The following SCFD2 variants were observed in gnomAD, a reference collection of about 807,000 sequenced individuals.
The protein encoded by SCFD2 is sec1 family domain containing 2.
SCFD2 carries 54 observed loss-of-function variants against 58.9 expected under a neutral mutation model. The ratio of observed to expected loss-of-function variants is 0.92; its 90% CI spans 0.74 to 1.15. SCFD2 has a LOEUF of 1.15. Among genes scored for constraint, SCFD2 ranks in the 50% most tolerant of loss-of-function variants. SCFD2 has a pLI of 0.00. For missense variants in SCFD2, 805 were observed against 836.6 expected, an observed-to-expected ratio of 0.96 and a Z score of 0.47; for synonymous variants, 321 against 335.9, an observed-to-expected ratio of 0.96 and a Z score of 0.49.
intron 5 of SCFD2, among the ~76,000 whole-genome samples, chr4:53,043,240 CT>C (rs1178451495): frequency 2.0e-5 from 3 of 152,108 alleles, no homozygotes; most frequent in Non-Finnish European, 4.4e-5. Flanking sequence ...TGTGGGGAAT[CT>C]GATGAAGCCC....
At chr4:52,955,695 C>T (rs972190285) in intron 5 of SCFD2, among the ~76,000 whole-genome samples, 2 of 152,150 alleles carry the variant, frequency 1.3e-5, no homozygotes, top group African/African-American at 2.4e-5. Flanking sequence ...CCTGATAGGA[C>T]ATTCATAAAA....
At chr4:53,303,254 A>G (rs1732380632) in intron 3 of SCFD2, among the ~76,000 whole-genome samples, 1 of 152,240 alleles carries the variant, frequency 6.6e-6, no homozygotes, top group Non-Finnish European at 1.5e-5. Context: ...TACATTTACA[A>G]GAAAAAAACA....
At chr4:52,904,417 G>C (rs1449338764) in intron 7 of SCFD2, among the ~76,000 whole-genome samples, 1 of 152,228 alleles carries the variant, frequency 6.6e-6, no homozygotes, top group Non-Finnish European at 1.5e-5. Flanking sequence ...CAAGCGACAA[G>C]AAAGAAATGA....
In SCFD2 at chr4:52,885,842, A is replaced by C. The variant is rs775978014; in HGVS notation, c.1867T>G (p.Tyr623Asp). 1 of 1,614,028 alleles carries C rather than the reference A, an allele frequency of 6.2e-7. No homozygotes were observed. The highest frequency in any genetic ancestry group is 1.3e-5 in the African/African-American group (1 of 74,940). The change falls in exon 8 of 9, where the codon TAC becomes GAC. Residue 623 changes from tyrosine to aspartate, a missense_variant. Physicochemically the swap from Tyr to Asp is radical, Grantham distance 160 (BLOSUM62 -3). Coordinates refer to ENST00000401642, the MANE Select transcript of SCFD2 (RefSeq NM_152540.4). Reference sequence around the variant, plus strand: ...ACCACAAAGAGGATCAGGAGGGGGTAGTCACTAGGATGAGGCCGGCTCACC... The same window carrying C: ...ACCACAAAGAGGATCAGGAGGGGGTCGTCACTAGGATGAGGCCGGCTCACC... ...MKVSRPHPSD[Y>D]PLLILFVVGG...
intron 5 of SCFD2, among the ~76,000 whole-genome samples, chr4:53,123,545 C>G (rs1393637353): frequency 6.6e-6 from 1 of 150,768 alleles, no homozygotes; most frequent in South Asian, 2.1e-4. Context: ...GGGGGGGGCA[C>G]TGACAAACAT....
chr4:52,893,234 T>A (rs551021127), intron 7 of SCFD2, among the ~76,000 whole-genome samples: 1 of 151,026 alleles, frequency 6.6e-6, no homozygotes, highest in Non-Finnish European at 1.5e-5. Flanking sequence ...TTTCCCTTCT[T>A]TCTCTCTCTC....
At chr4:53,355,757 A>T (rs1734381168) in intron 1 of SCFD2, among the ~76,000 whole-genome samples, 1 of 152,182 alleles carries the variant, frequency 6.6e-6, no homozygotes. Flanking sequence ...CACTTTAGCC[A>T]AACTGGGCTC....
intron 3 of SCFD2, among the ~76,000 whole-genome samples, chr4:53,280,939 G>T (rs1302972728): frequency 6.6e-6 from 1 of 152,150 alleles, no homozygotes; most frequent in East Asian, 1.9e-4. Flanking sequence ...ATCAAAGACA[G>T]CAGCTAAACA....
chr4:53,332,432 G>A (rs1267929943), intron 2 of SCFD2, among the ~76,000 whole-genome samples: 1 of 151,728 alleles, frequency 6.6e-6, no homozygotes, highest in African/African-American at 2.4e-5. Context: ...GGGATGCAAG[G>A]CTGGTTCAAT....
intron 4 of SCFD2, among the ~76,000 whole-genome samples, chr4:53,215,260 C>T (rs140701820): frequency 0.066 from 10,109 of 152,090 alleles, 388 homozygotes; most frequent in Middle Eastern, 0.12. Flanking sequence ...GCCATTTTCA[C>T]GATATTGATT....
At chr4:52,884,782 C>G (rs766050904) in intron 8 of SCFD2, among the ~76,000 whole-genome samples, 1 of 152,172 alleles carries the variant, frequency 6.6e-6, no homozygotes, top group African/African-American at 2.4e-5. Context: ...TCTCCTTGGG[C>G]TCCTGCTGCA....
intron 5 of SCFD2, among the ~76,000 whole-genome samples, chr4:52,973,658 C>A (rs1488535051): frequency 6.6e-6 from 1 of 151,866 alleles, no homozygotes; most frequent in East Asian, 1.9e-4. Flanking sequence ...AATCCTCCCT[C>A]ACTCATTTTA....
In SCFD2 at chr4:52,984,201, G is replaced by T. The variant is rs556423166; in HGVS notation, c.1562-63331C>A. ...ACCCCAGTGGGTGAGTTACTCCAAG[G>T]GCACCTTTTGTAAAACTCTGGAGGC... On this transcript the variant is annotated intron_variant, in intron 5 of 8. Coordinates refer to ENST00000401642, the MANE Select transcript of SCFD2 (RefSeq NM_152540.4). Among the ~76,000 whole-genome samples, 7 of 152,246 alleles carry T rather than the reference G, an allele frequency of 4.6e-5. No individual in the cohort carries two copies. The South Asian group carries it at 1.4e-3, about 32-fold the overall frequency.
intron 4 of SCFD2, among the ~76,000 whole-genome samples, chr4:53,216,105 C>G (rs1728821140): frequency 6.6e-6 from 1 of 152,076 alleles, no homozygotes. Context: ...ATCTAAAATT[C>G]TCTTTTTTTG....
chr4:52,956,058 G>C, intron 5 of SCFD2: 3 of 456,664 alleles, frequency 6.6e-6, no homozygotes, highest in South Asian at 4.6e-5. Flanking sequence ...AGCTATGGGG[G>C]TCCCACTCTC....
intron 5 of SCFD2, among the ~76,000 whole-genome samples, chr4:53,141,725 G>A (rs1008252759): frequency 2.0e-5 from 3 of 151,886 alleles, no homozygotes; most frequent in African/African-American, 7.3e-5. Context: ...CTGGATGTTG[G>A]TAACATGGCT....
At chr4:52,987,751 T>C (rs1160680493) in intron 5 of SCFD2, among the ~76,000 whole-genome samples, 1 of 152,220 alleles carries the variant, frequency 6.6e-6, no homozygotes, top group East Asian at 1.9e-4. Context: ...TTTTGTGCTT[T>C]TTACATTGTT....
intron 7 of SCFD2, 122 bp from the exon 8 acceptor site, chr4:52,885,988 G>A: frequency 7.9e-7 from 1 of 1,263,466 alleles, no homozygotes; most frequent in Non-Finnish European, 1.1e-6. Flanking sequence ...GTGGCAGGAG[G>A]CAGACAAATC....
intron 8 of SCFD2, among the ~76,000 whole-genome samples, chr4:52,882,552 T>A (rs1021852448): frequency 2.0e-5 from 3 of 152,120 alleles, no homozygotes; most frequent in African/African-American, 7.2e-5. Flanking sequence ...TCAATCTGGG[T>A]GGGCATAATC....
Sources: allele counts gnomAD v4.1 joint callset (sites outside exome capture counted in the v4.1 genomes callset), GRCh38; gene constraint gnomAD v4.1.1; transcripts MANE v1.5; gene names NCBI Gene and HGNC (gene_info 2026-07-23, HGNC 2026-07-21).